The following APPL2 variants were observed in gnomAD, a reference collection of about 807,000 sequenced individuals.
The protein encoded by APPL2 is DCC-interacting protein 13-beta.
Under a neutral mutation model 92.7 loss-of-function variants are expected in APPL2, and 84 were observed. The ratio of observed to expected loss-of-function variants is 0.91; its 90% CI spans 0.76 to 1.09. The LOEUF (loss-of-function observed/expected upper bound fraction) is 1.09. Ranked by LOEUF, APPL2 falls within the 50% of genes least tolerant of loss-of-function variation. The pLI is 0.00. For missense variants in APPL2, 736 were observed against 824.5 expected, an observed-to-expected ratio of 0.89 and a Z score of 1.31; for synonymous variants, 291 against 291.0, an observed-to-expected ratio of 1.00 and a Z score of 0.00.
intron 17 of APPL2, among the ~76,000 whole-genome samples, chr12:105,184,224 A>C (rs1041284483): frequency 1.3e-5 from 2 of 151,942 alleles, no homozygotes; most frequent in Non-Finnish European, 2.9e-5. Flanking sequence ...AGCTTGGAGG[A>C]GTTTGTTATT....
intron 2 of APPL2, among the ~76,000 whole-genome samples, chr12:105,223,256 C>T (rs1890249866): frequency 6.6e-6 from 1 of 152,216 alleles, no homozygotes; most frequent in Non-Finnish European, 1.5e-5. Context: ...GCTAACTCTG[C>T]ACAGTAACAA....
chr12:105,174,380 T>C lies in APPL2; in HGVS notation c.1929A>G (p.Leu643=), dbSNP rs1566041604. The C allele has an allele frequency of 1.2e-6, 2 of 1,613,940 alleles. No homozygotes were observed. The highest frequency in any genetic ancestry group is 1.7e-6 in the Non-Finnish European group (2 of 1,179,926). ...PLTNDGKYVL[L]NDQPDDDDGN... The stretch of plus-strand genomic sequence containing the variant: ...CATCATCGTCATCTGGTTGATCGTT[T>C]AACAGTACATATTTTCCGTCATTGG... Residue 643 remains leucine, a synonymous_variant, in exon 21 of 21, where the codon TTA becomes TTG. Transcript: ENST00000258530.
chr12:105,204,684 A>G (rs1293391166), intron 8 of APPL2, among the ~76,000 whole-genome samples: 1 of 152,170 alleles, frequency 6.6e-6, no homozygotes, highest in African/African-American at 2.4e-5. Flanking sequence ...TGCATTTCTA[A>G]TGGCACAATG....
chr12:105,212,118 CAAAAAAAAA>C (rs5800657), intron 4 of APPL2, among the ~76,000 whole-genome samples: 3 of 72,392 alleles, frequency 4.1e-5, no homozygotes, highest in Non-Finnish European at 7.3e-5. Flanking sequence ...GACTCCATCT[CAAAAAAAAA>C]AAAAAAAAAA....
intron 5 of APPL2, among the ~76,000 whole-genome samples, chr12:105,210,899 A>G (rs551640981): frequency 6.6e-6 from 1 of 152,280 alleles, no homozygotes; most frequent in Non-Finnish European, 1.5e-5. Flanking sequence ...TCATTTTTCA[A>G]AACCCAGCTC....
chr12:105,182,840 T>C (rs1261555375), intron 17 of APPL2, among the ~76,000 whole-genome samples: 1 of 152,034 alleles, frequency 6.6e-6, no homozygotes, highest in South Asian at 2.1e-4. Context: ...TGATCTAATA[T>C]TGACAGTGGG....
chr12:105,232,201 A>G (rs1269401759), intron 1 of APPL2, among the ~76,000 whole-genome samples: 1 of 152,196 alleles, frequency 6.6e-6, no homozygotes, highest in Admixed American at 6.5e-5. Flanking sequence ...TAACTTGCCA[A>G]AAGTAACAGT....
At chr12:105,201,145 G>A (rs1055811552) in intron 9 of APPL2, among the ~76,000 whole-genome samples, 1 of 152,192 alleles carries the variant, frequency 6.6e-6, no homozygotes, top group East Asian at 1.9e-4. Context: ...CTGGCCTCAA[G>A]TGACCCACCC....
chr12:105,226,840 A>C (rs1414162627), intron 2 of APPL2, among the ~76,000 whole-genome samples: 2 of 152,198 alleles, frequency 1.3e-5, no homozygotes, highest in Non-Finnish European at 2.9e-5. Context: ...TGAACACATA[A>C]TTCTTTTGGT....
chr12:105,191,530 A>AC (rs1227171557), intron 14 of APPL2, among the ~76,000 whole-genome samples: 1 of 152,056 alleles, frequency 6.6e-6, no homozygotes, highest in African/African-American at 2.4e-5. Context: ...CAAAGGGGGG[A>AC]GATAGATAAC....
intron 15 of APPL2, 62 bp from the exon 16 acceptor site, chr12:105,189,886 T>A (rs751896439): frequency 5.0e-6 from 8 of 1,611,702 alleles, no homozygotes; most frequent in Non-Finnish European, 6.8e-6. Flanking sequence ...ACTTAACACT[T>A]GAACTGGAAA....
intron 2 of APPL2, among the ~76,000 whole-genome samples, chr12:105,226,663 C>T (rs541493301): frequency 4.2e-4 from 64 of 152,226 alleles, no homozygotes; most frequent in African/African-American, 1.5e-3. Context: ...CACTTAGTGA[C>T]GAAATACAAA....
At chr12:105,178,670 A>G (rs749769375) in intron 17 of APPL2, among the ~76,000 whole-genome samples, 6 of 152,192 alleles carry the variant, frequency 3.9e-5, no homozygotes, top group Non-Finnish European at 8.8e-5. Flanking sequence ...ATCTTGTGCA[A>G]GTCACCCGGA....
chr12:105,232,589 ACT>A lies in APPL2; in HGVS notation c.54+3368_55-3367del, dbSNP rs1405247051. ...AGACCACCCTGGGCAACACAGCAAGACTCTGTCTCTACAAAAATTAAAAAATT... is the reference window on the plus strand; with the variant it reads ...AGACCACCCTGGGCAACACAGCAAGACTGTCTCTACAAAAATTAAAAAATT... On this transcript the variant is annotated intron_variant, in intron 1 of 20. Coordinates refer to ENST00000258530, the MANE Select transcript of APPL2 (RefSeq NM_018171.5). 3.3e-5 allele frequency among the ~76,000 whole-genome samples: 5 copies of A among 152,118 alleles called. No homozygotes were observed. The South Asian group carries it at 1.0e-3, about 32-fold the overall frequency.
intron 19 of APPL2, 99 bp downstream of exon 19, chr12:105,176,777 A>C: frequency 6.9e-7 from 1 of 1,451,852 alleles, no homozygotes; most frequent in South Asian, 1.3e-5. Context: ...GACATGCAGA[A>C]TAATCAACTA....
intron 17 of APPL2, among the ~76,000 whole-genome samples, chr12:105,180,266 G>A (rs996146026): frequency 1.3e-5 from 2 of 152,150 alleles, no homozygotes; most frequent in African/African-American, 2.4e-5. Flanking sequence ...TGTCAGGTTT[G>A]TCAAAGATCA....
chr12:105,177,068 C>T (rs1349175587), intron 18 of APPL2, 52 bp from the exon 19 acceptor site: 10 of 1,611,042 alleles, frequency 6.2e-6, no homozygotes, highest in Non-Finnish European at 7.6e-6. Flanking sequence ...GAATTAAAAA[C>T]TGACAAGGCT....
chr12:105,174,920 A>G (rs1012181165), intron 20 of APPL2, among the ~76,000 whole-genome samples: 56 of 145,762 alleles, frequency 3.8e-4, no homozygotes, highest in Non-Finnish European at 6.4e-4. Flanking sequence ...GTCTCGCTCT[A>G]TCGCCCAGGC....
At chr12:105,233,030 C>T in intron 1 of APPL2, 1 of 925,886 alleles carries the variant, frequency 1.1e-6, no homozygotes, top group Non-Finnish European at 1.3e-6. Context: ...ACAAACAAAA[C>T]ACAAACCGAG....
Sources: gnomAD v4.1 joint callset for allele counts (sites outside exome capture counted in the v4.1 genomes callset) on GRCh38, gnomAD v4.1.1 for gene constraint, MANE v1.5 for transcripts, NCBI Gene and HGNC (gene_info 2026-07-23, HGNC 2026-07-21) for gene names.